The following CD46 variants were observed in gnomAD, a reference collection of about 807,000 sequenced individuals.
The protein encoded by CD46 is CD46 molecule, also known as membrane cofactor protein.
A neutral mutation model predicts 53.3 loss-of-function variants in CD46; 30 were observed. The ratio of observed to expected loss-of-function variants is 0.56; its 90% CI spans 0.42 to 0.76. The LOEUF (loss-of-function observed/expected upper bound fraction) is 0.76, where lower values mean the gene tolerates loss of function less well. Among genes scored for constraint, CD46 ranks in the 30% least tolerant of loss-of-function variants. The pLI is 0.00. For synonymous variants in CD46, 142 were observed against 152.0 expected, an observed-to-expected ratio of 0.93 and a Z score of 0.48; for missense variants, 409 against 463.0, an observed-to-expected ratio of 0.88 and a Z score of 1.07.
intron 7 of CD46, 170 bp downstream of exon 7, chr1:207,767,993 GC>G: frequency 1.6e-6 from 1 of 626,536 alleles, no homozygotes; most frequent in African/African-American, 1.8e-5. Flanking sequence ...AAAATTATTT[GC>G]CATAATCTGA....
intron 10 of CD46, among the ~76,000 whole-genome samples, chr1:207,785,364 G>T (rs1053250358): frequency 3.9e-5 from 6 of 152,160 alleles, no homozygotes; most frequent in Non-Finnish European, 8.8e-5. Context: ...AGTAATATTA[G>T]TTGGCTTCCC....
At position 207,794,765 on chromosome 1, in the gene CD46, T is replaced by C. The variant is rs889325419; in HGVS notation, c.*1288T>C. 2.0e-5 allele frequency: 3 copies of C among 152,234 alleles called. No homozygotes were observed. Among genetic ancestry groups the C allele is most frequent in the African/African-American group, 7.2e-5 (3 of 41,456 alleles). 9.4% of individuals were successfully genotyped at this position (152,234 alleles called of 1,614,324 possible). ...GATCTCAGCCCTCTACTGAGTCCCT[T>C]AGCCAAGCAGTTTCTTTCAAAGAAG... On this transcript the variant is annotated 3_prime_UTR_variant, in exon 13 of 13. Coordinates refer to ENST00000367042, the MANE Select transcript of CD46 (RefSeq NM_172351.3).
Position 207,793,843 on chromosome 1 carries a change from TTAA to T in CD46, c.*367_*369del, listed in dbSNP as rs1457694230. 1 of 492,800 alleles carries T rather than the reference TTAA, an allele frequency of 2.0e-6. No individual in the cohort carries two copies. 30.5% of individuals were successfully genotyped at this position (492,800 alleles called of 1,614,324 possible). A position where few individuals can be genotyped will look rare whatever the true frequency, so the allele number is the denominator to read the frequency against. On this transcript the variant is annotated 3_prime_UTR_variant, in exon 13 of 13. Coordinates refer to ENST00000367042, the MANE Select transcript of CD46 (RefSeq NM_172351.3). ...AGTCAGCACAGCATGCCTGGTTGTA[TTAA>T]AGCAGGGATATGCTGTATTTTATAA...
intron 8 of CD46, among the ~76,000 whole-genome samples, chr1:207,772,331 A>G (rs969688107): frequency 2.0e-5 from 3 of 152,180 alleles, no homozygotes; most frequent in African/African-American, 7.2e-5. Flanking sequence ...TAAATATGCA[A>G]TCATGTCATC....
At chr1:207,784,190 G>T (rs1659057622) in intron 9 of CD46, among the ~76,000 whole-genome samples, 2 of 151,996 alleles carry the variant, frequency 1.3e-5, no homozygotes, top group Admixed American at 6.6e-5. Flanking sequence ...GATGGGAAGG[G>T]GATTGATAAG....
intron 8 of CD46, among the ~76,000 whole-genome samples, chr1:207,779,319 C>A (rs1471407474): frequency 6.6e-6 from 1 of 151,960 alleles, no homozygotes; most frequent in African/African-American, 2.4e-5. Context: ...CATCAACATA[C>A]TTTTATGTGT....
Position 207,785,621 on chromosome 1 carries a change from G to C in CD46, c.1021G>C (p.Val341Leu). The C allele has an allele frequency of 6.2e-7, 1 of 1,605,948 alleles. No individual in the cohort carries two copies. The highest frequency in any genetic ancestry group is 8.5e-7 in the Non-Finnish European group (1 of 1,172,870). ...ATTTGTTTCCTGGTTTCTTATAGTT[G>C]TTGGAGTTGCAGTAATTTGTGTTGT... Reference protein sequence around the residue: ...VIAVIVIAIVVGVAVICVVPY... With the variant: ...VIAVIVIAIVLGVAVICVVPY... Residue 341 changes from valine (V) to leucine (L), a missense_variant and splice_region_variant, in exon 11 of 13, where the codon GTT becomes CTT. Physicochemically the swap from Val to Leu is conservative, Grantham distance 32. Coordinates refer to ENST00000367042, the MANE Select transcript of CD46 (RefSeq NM_172351.3).
At chr1:207,787,937 T>G (rs1236565996) in intron 11 of CD46, among the ~76,000 whole-genome samples, 6 of 152,122 alleles carry the variant, frequency 3.9e-5, no homozygotes, top group Admixed American at 3.9e-4. Flanking sequence ...AAGTACAGAT[T>G]CTGATTCATT....
chr1:207,761,954 T>C (rs1370518614), intron 5 of CD46, among the ~76,000 whole-genome samples: 1 of 152,166 alleles, frequency 6.6e-6, no homozygotes, highest in Non-Finnish European at 1.5e-5. Flanking sequence ...AAGAAATCAC[T>C]GAATAACAGT....
rs769278366 is a variant in CD46, at chr1:207,760,121, G to GC, written c.475+402dup. 2.4e-4 allele frequency: 41 copies of GC among 174,272 alleles called. No individual in the cohort carries two copies. The South Asian group carries it at 4.7e-3, about 20-fold the overall frequency. The allele number at this position is 174,272 out of a possible 1,614,324, so 10.8% of individuals were successfully genotyped here. A position where few individuals can be genotyped will look rare whatever the true frequency, so the allele number is the denominator to read the frequency against. On this transcript the variant is annotated intron_variant, in intron 4 of 12. Transcript: ENST00000367042. The stretch of plus-strand genomic sequence containing the variant: ...TTGAAATCCCATGCTCAAGCAGTCT[G>GC]CCCCCGTGGGCCTCCCAAAGTGCTG...
intron 8 of CD46, among the ~76,000 whole-genome samples, chr1:207,779,110 C>T (rs576553758): frequency 2.6e-5 from 4 of 152,226 alleles, no homozygotes; most frequent in African/African-American, 9.6e-5. Flanking sequence ...TATAGGAATG[C>T]TAGTGATTTT....
At chr1:207,789,870 GA>G (rs150136290) in intron 11 of CD46, among the ~76,000 whole-genome samples, 11,345 of 43,228 alleles carry the variant, frequency 0.26, 375 homozygotes, top group Admixed American at 0.29. Flanking sequence ...GCTGTGTCTT[GA>G]AAAAAAAAAA....
At chr1:207,790,410 A>G in intron 12 of CD46, 65 bp downstream of exon 12, 1 of 792,582 alleles carries the variant, frequency 1.3e-6, no homozygotes, top group South Asian at 1.4e-5. Flanking sequence ...GTGGATATAT[A>G]GATATCAATA....
In CD46 at chr1:207,754,163, G is replaced by A. The variant is rs41316823; in HGVS notation, c.97+1854G>A. ...ACCAAGGGAAGTGCTCTGGAGGCAAGCAGTATAATTTTCAGATATAAATCT... is the reference window on the plus strand; with the variant it reads ...ACCAAGGGAAGTGCTCTGGAGGCAAACAGTATAATTTTCAGATATAAATCT... On this transcript the variant is annotated intron_variant, in intron 1 of 12. Transcript: ENST00000367042. 5.4e-3 allele frequency among the ~76,000 whole-genome samples: 815 copies of A among 152,290 alleles called. 8 individuals carry two copies. The highest frequency in any genetic ancestry group is 0.019 in the African/African-American group (788 of 41,544).
At chr1:207,782,792 C>A (rs1464122770) in intron 8 of CD46, among the ~76,000 whole-genome samples, 1 of 150,172 alleles carries the variant, frequency 6.7e-6, no homozygotes, top group African/African-American at 2.4e-5. Flanking sequence ...GGATTACAGG[C>A]ACGCACTACC....
At position 207,779,913 on chromosome 1, in the gene CD46, C is replaced by CTTTTT. The variant is rs66758503; in HGVS notation, c.944-3364_944-3360dup. Reference sequence around the variant, plus strand: ...TTCTATTCTTGTAGCAAAAGCAAGTCTTTTTTTTTTTTTTTTTTTACTGTA... The same window carrying CTTTTT: ...TTCTATTCTTGTAGCAAAAGCAAGTCTTTTTTTTTTTTTTTTTTTTTTTTACTGTA... On this transcript the variant is annotated intron_variant, in intron 8 of 12. Transcript: ENST00000367042. 8.3e-3 allele frequency among the ~76,000 whole-genome samples: 515 copies of CTTTTT among 62,364 alleles called. 73 individuals carry two copies. Among genetic ancestry groups the CTTTTT allele is most frequent in the African/African-American group, 0.03 (474 of 15,816 alleles). 40.9% of individuals were successfully genotyped at this position (62,364 alleles called of 152,430 possible).
At chr1:207,764,371 GTAAT>G (rs1294269829) in intron 5 of CD46, among the ~76,000 whole-genome samples, 1 of 152,186 alleles carries the variant, frequency 6.6e-6, no homozygotes, top group Non-Finnish European at 1.5e-5. Context: ...CTGAATCCAT[GTAAT>G]TAATGGCCGC....
rs760524725 is a variant in CD46 at position 207,790,252 on chromosome 1, G to C, written c.1083-1G>C. 6.6e-7 allele frequency: 1 copy of C among 1,525,372 alleles called. No homozygotes were observed. 94.5% of individuals were successfully genotyped at this position (1,525,372 alleles called of 1,614,324 possible). On this transcript the variant is annotated splice_acceptor_variant, in intron 11 of 12. Coordinates refer to ENST00000367042, the MANE Select transcript of CD46 (RefSeq NM_172351.3). LOFTEE classifies it high-confidence loss of function. ...CAGCCGTTTTCTCTTCCTCTGTTCA[G>C]CACATACCTAACTGATGAGACCCAC...
At chr1:207,789,244 T>A (rs1196847514) in intron 11 of CD46, among the ~76,000 whole-genome samples, 1 of 152,236 alleles carries the variant, frequency 6.6e-6, no homozygotes, top group Non-Finnish European at 1.5e-5. Context: ...AATTTATATA[T>A]TTATTACCTG....
Sources: allele counts gnomAD v4.1 joint callset (sites outside exome capture counted in the v4.1 genomes callset), GRCh38; gene constraint gnomAD v4.1.1; transcripts MANE v1.5; gene names NCBI Gene and HGNC (gene_info 2026-07-23, HGNC 2026-07-21).